The following RAB11FIP2 variants were observed in gnomAD, a reference collection of about 807,000 sequenced individuals.
RAB11FIP2 encodes RAB11 family interacting protein 2, also known as rab11 family-interacting protein 2.
A neutral mutation model predicts 40.9 loss-of-function variants in RAB11FIP2; 16 were observed. The observed-to-expected ratio is 0.39, with a 90% confidence interval of 0.26 to 0.59. The LOEUF (loss-of-function observed/expected upper bound fraction) is 0.59, where lower values mean the gene tolerates loss of function less well. RAB11FIP2 is among the 20% of genes least tolerant of loss of function. The probability of loss-of-function intolerance (pLI) is 0.53; values close to 1 mark genes in which losing one functional copy is unlikely to be tolerated. For missense variants in RAB11FIP2, 532 were observed against 606.2 expected, an observed-to-expected ratio of 0.88 and a Z score of 1.28; for synonymous variants, 228 against 213.7, an observed-to-expected ratio of 1.07 and a Z score of -0.58.
At chr10:118,028,207 T>C (rs976472902) in intron 3 of RAB11FIP2, among the ~76,000 whole-genome samples, 1 of 152,122 alleles carries the variant, frequency 6.6e-6, no homozygotes, top group Non-Finnish European at 1.5e-5. Flanking sequence ...ATTCAACTAA[T>C]TGCTTTTTAA....
At chr10:118,025,321 C>G (rs1846330382) in intron 3 of RAB11FIP2, among the ~76,000 whole-genome samples, 1 of 152,162 alleles carries the variant, frequency 6.6e-6, no homozygotes, top group Non-Finnish European at 1.5e-5. Context: ...CAAAGAACAG[C>G]TAAAACAGGT....
intron 2 of RAB11FIP2, chr10:118,039,875 C>T (rs1589648145): frequency 2.3e-6 from 1 of 432,094 alleles, no homozygotes; most frequent in Non-Finnish European, 4.1e-6. Context: ...AAACAGGCAG[C>T]CAAGCCATAA....
intron 3 of RAB11FIP2, among the ~76,000 whole-genome samples, chr10:118,035,837 T>C (rs1846474356): frequency 1.3e-5 from 2 of 152,052 alleles, no homozygotes; most frequent in Admixed American, 6.6e-5. Context: ...CAGGAAATGC[T>C]TCAAAGAAAT....
chr10:118,045,960 T>G lies in RAB11FIP2; in HGVS notation c.204A>C (p.Leu68=), dbSNP rs751171933. The G allele has an allele frequency of 6.2e-7, 1 of 1,614,216 alleles. No individual in the cohort carries two copies. The highest frequency in any genetic ancestry group is 2.2e-5 in the East Asian group (1 of 44,876). ...GACTTCCCTGAATTAGCAATCCAGG[T>G]AGCTCGAAAGAGGCCTCCTCCTTCC... is the stretch of plus-strand genomic sequence containing the variant. ...PVWKEEASFE[L]PGLLIQGSPE... is the part of the protein sequence containing the mutation. Residue 68 remains leucine, a synonymous_variant, in exon 1 of 5, where the codon CTA becomes CTC. Transcript: ENST00000355624.
intron 1 of RAB11FIP2, 140 bp downstream of exon 1, chr10:118,045,671 C>T: frequency 1.6e-6 from 1 of 632,398 alleles, no homozygotes; most frequent in East Asian, 2.8e-5. Context: ...ACTTCAGATT[C>T]ATGCAAATAT....
Position 118,039,346 on chromosome 10 carries a change from G to T in RAB11FIP2, c.891C>A (p.Phe297Leu). The change falls in exon 3 of 5, where the codon TTC becomes TTA. Residue 297 changes from phenylalanine to leucine, a missense_variant. Phe to Leu is a conservative substitution (Grantham distance 22). Coordinates refer to ENST00000355624, the MANE Select transcript of RAB11FIP2 (RefSeq NM_014904.3). ...TTGTAAATGGGTCATTTTGTCTTCC[G>T]AAACACAATTCACCTTCATCCACAA... ...DSIVDEGELC[F>L]GRQNDPFTNV... 1 of 1,613,506 alleles carries T rather than the reference G, an allele frequency of 6.2e-7. No individual in the cohort carries two copies. Among genetic ancestry groups the T allele is most frequent in the Non-Finnish European group, 8.5e-7 (1 of 1,179,638 alleles).
chr10:118,020,120 C>T (rs1444868200), intron 3 of RAB11FIP2, among the ~76,000 whole-genome samples: 1 of 152,072 alleles, frequency 6.6e-6, no homozygotes, highest in African/African-American at 2.4e-5. Context: ...AGGAAATGGG[C>T]ACAGAGATGG....
Position 118,019,833 on chromosome 10 carries a change from A to G in RAB11FIP2, c.1266-4723T>C, listed in dbSNP as rs565850466. ...GGAGCGAGACTCTGCCTCAAAGAAAAAAAAAAAAAAGAGACTTGGGGCTTC... is the reference window on the plus strand; with the variant it reads ...GGAGCGAGACTCTGCCTCAAAGAAAGAAAAAAAAAAGAGACTTGGGGCTTC... On this transcript the variant is annotated intron_variant, in intron 3 of 4. Transcript: ENST00000355624. Among the ~76,000 whole-genome samples the G allele has an allele frequency of 3.9e-5, 6 of 152,062 alleles. No homozygotes were observed. The East Asian group carries it at 9.7e-4, about 24-fold the overall frequency.
intron 1 of RAB11FIP2, chr10:118,043,520 C>T (rs985174859): frequency 1.3e-5 from 2 of 152,140 alleles, no homozygotes; most frequent in African/African-American, 4.8e-5. Context: ...GGCTCAGACC[C>T]TTTTTCCCCA....
Position 118,039,209 on chromosome 10 carries a change from A to G in RAB11FIP2, c.1028T>C (p.Ile343Thr). 1.2e-6 allele frequency: 2 copies of G among 1,613,436 alleles called. No individual in the cohort carries two copies. Among genetic ancestry groups the G allele is most frequent in the Non-Finnish European group, 1.7e-6 (2 of 1,179,710 alleles). The change falls in exon 3 of 5, where the codon ATT (isoleucine) becomes ACT (threonine). Residue 343 changes from isoleucine to threonine, a missense_variant. Transcript: ENST00000355624. Reference protein sequence around the residue: ...DSSMNLFSKPIEIRKENKREK... With the variant: ...DSSMNLFSKPTEIRKENKREK... ...TCTTTTATTTTCTTTTCTTATTTCA[A>G]TTGGTTTTGAAAATAAATTCATGCT... is the stretch of plus-strand genomic sequence containing the variant.
At chr10:118,041,027 TAATA>T (rs1217259660) in intron 1 of RAB11FIP2, among the ~76,000 whole-genome samples, 1 of 152,106 alleles carries the variant, frequency 6.6e-6, no homozygotes, top group Non-Finnish European at 1.5e-5. Flanking sequence ...TTTAATACAA[TAATA>T]AATACCTGGC....
rs374483786 is a variant in RAB11FIP2 at position 118,039,210 on chromosome 10, T to C, written c.1027A>G (p.Ile343Val). ...DSSMNLFSKP[I>V]EIRKENKREK... is the part of the protein sequence containing the mutation. Reference sequence around the variant, plus strand: ...CTTTTATTTTCTTTTCTTATTTCAATTGGTTTTGAAAATAAATTCATGCTG... The same window carrying C: ...CTTTTATTTTCTTTTCTTATTTCAACTGGTTTTGAAAATAAATTCATGCTG... The change falls in exon 3 of 5, where the codon ATT becomes GTT. Residue 343 changes from isoleucine to valine, a missense_variant. Physicochemically the swap from Ile to Val is conservative, Grantham distance 29. Coordinates refer to ENST00000355624, the MANE Select transcript of RAB11FIP2 (RefSeq NM_014904.3). 1 of 1,613,622 alleles carries C rather than the reference T, an allele frequency of 6.2e-7. No individual in the cohort carries two copies. Among genetic ancestry groups the C allele is most frequent in the Non-Finnish European group, 8.5e-7 (1 of 1,179,762 alleles).
At chr10:118,025,582 A>G (rs1846332871) in intron 3 of RAB11FIP2, among the ~76,000 whole-genome samples, 1 of 152,250 alleles carries the variant, frequency 6.6e-6, no homozygotes, top group Non-Finnish European at 1.5e-5. Flanking sequence ...TTCCTAAAAT[A>G]GTATTTTCAT....
At chr10:118,012,297 T>A (rs1273020531) in intron 4 of RAB11FIP2, among the ~76,000 whole-genome samples, 3 of 151,986 alleles carry the variant, frequency 2.0e-5, no homozygotes, top group African/African-American at 7.2e-5. Context: ...GCCTTTTCAA[T>A]AAATTTTCCG....
intron 3 of RAB11FIP2, among the ~76,000 whole-genome samples, chr10:118,031,334 T>C (rs533020474): frequency 6.6e-6 from 1 of 152,188 alleles, no homozygotes; most frequent in Non-Finnish European, 1.5e-5. Context: ...TTATTTACTA[T>C]ACTTTTTAAA....
At chr10:118,042,965 AG>A (rs1464938268) in intron 1 of RAB11FIP2, among the ~76,000 whole-genome samples, 5 of 152,236 alleles carry the variant, frequency 3.3e-5, no homozygotes, top group African/African-American at 1.2e-4. Flanking sequence ...GAATCATTTC[AG>A]AGATAGCATT....
chr10:118,015,460 A>G (rs1359122065), intron 3 of RAB11FIP2, among the ~76,000 whole-genome samples: 1 of 152,216 alleles, frequency 6.6e-6, no homozygotes, highest in Non-Finnish European at 1.5e-5. Flanking sequence ...CACTCACCTT[A>G]GGCCCTCTGA....
chr10:118,027,313 T>G (rs548005373), intron 3 of RAB11FIP2, among the ~76,000 whole-genome samples: 5 of 152,316 alleles, frequency 3.3e-5, no homozygotes, highest in African/African-American at 1.2e-4. Flanking sequence ...TATCCTATAC[T>G]CCCTTCAGAA....
chr10:118,019,801 G>A (rs1846262020), intron 3 of RAB11FIP2, among the ~76,000 whole-genome samples: 1 of 151,312 alleles, frequency 6.6e-6, no homozygotes, highest in African/African-American at 2.4e-5. Context: ...ACTCCAACCT[G>A]GGGGAAGGAG....
Sources: allele counts gnomAD v4.1 joint callset (sites outside exome capture counted in the v4.1 genomes callset), GRCh38; gene constraint gnomAD v4.1.1; transcripts MANE v1.5; gene names NCBI Gene and HGNC (gene_info 2026-07-23, HGNC 2026-07-21).